PCDHGA3: variants seen among roughly 807,000 people sequenced by gnomAD.
PCDHGA3 encodes the protein protocadherin gamma subfamily A, 3, also known as protocadherin gamma-A3.
In PCDHGA3, 40 loss-of-function variants were observed where a neutral mutation model predicts 58.5. The observed-to-expected ratio is 0.68, with a 90% CI of 0.53 to 0.89. PCDHGA3 has a LOEUF of 0.89. Ranked by LOEUF, PCDHGA3 falls within the 40% of genes least tolerant of loss-of-function variation. PCDHGA3 has a pLI of 0.00. For synonymous variants in PCDHGA3, 530 were observed against 525.7 expected, an observed-to-expected ratio of 1.01 and a Z score of -0.11; for missense variants, 1,223 against 1,195.9, an observed-to-expected ratio of 1.02 and a Z score of -0.33.
chr5:141,357,839 G>A, intron 1 of PCDHGA3: 1 of 640,618 alleles, frequency 1.6e-6, no homozygotes, highest in East Asian at 3.0e-5. Context: ...TCATTCAGTT[G>A]TAGTTTCAGC....
At chr5:141,461,817 C>A (rs2099023873) in intron 1 of PCDHGA3, among the ~76,000 whole-genome samples, 1 of 150,844 alleles carries the variant, frequency 6.6e-6, no homozygotes, top group South Asian at 2.1e-4. Flanking sequence ...CCACACCCAG[C>A]TAATTTTTTT....
chr5:141,345,796 T>C lies in PCDHGA3; in HGVS notation c.1763T>C (p.Val588Ala), dbSNP rs199546235. The change falls in exon 1 of 4, where the codon GTG (valine) becomes GCG (alanine). Residue 588 changes from valine to alanine, a missense_variant. This residue lies in a region of PCDHGA3 where 107 missense variants were observed against 159.8 expected (regional missense o/e 0.67). Transcript: ENST00000253812. ...CGCTCCGCAGAGCCCGGCTACCTGG[T>C]GACCAAGGTGGTGGCGGTGGACAGA... is the stretch of plus-strand genomic sequence containing the variant. ...APRSAEPGYL[V>A]TKVVAVDRDS... is the part of the protein sequence containing the mutation. 323 of 1,613,940 alleles carry C rather than the reference T, an allele frequency of 2.0e-4. No individual in the cohort carries two copies. Among genetic ancestry groups the C allele is most frequent in the South Asian group, 1.0e-3 (91 of 91,060 alleles).
At chr5:141,469,629 C>T (rs933972587) in intron 1 of PCDHGA3, among the ~76,000 whole-genome samples, 1 of 152,070 alleles carries the variant, frequency 6.6e-6, no homozygotes, top group Admixed American at 6.6e-5. Context: ...GTTTGTAGTT[C>T]CAAAATATTT....
intron 1 of PCDHGA3, chr5:141,396,593 C>T (rs940440050): frequency 6.0e-5 from 9 of 151,044 alleles, no homozygotes; most frequent in Non-Finnish European, 1.2e-4. Flanking sequence ...GCACTCCAGC[C>T]TGGGCAACAG....
chr5:141,420,673 A>T (rs1244699899), intron 1 of PCDHGA3, among the ~76,000 whole-genome samples: 5 of 152,208 alleles, frequency 3.3e-5, no homozygotes, highest in Admixed American at 3.3e-4. Flanking sequence ...CTACCTGATG[A>T]TTTTATCGGG....
At chr5:141,365,237 A>G (rs765751985) in intron 1 of PCDHGA3, 2 of 1,613,962 alleles carry the variant, frequency 1.2e-6, no homozygotes, top group East Asian at 4.5e-5. Flanking sequence ...GGAAATCTCA[A>G]CTCTACAATC....
chr5:141,365,466 A>T (rs1456535652), intron 1 of PCDHGA3: 2 of 1,614,016 alleles, frequency 1.2e-6, no homozygotes, highest in Non-Finnish European at 1.7e-6. Context: ...TCTGGAGAAA[A>T]TGGTGAGATT....
chr5:141,390,187 G>T, intron 1 of PCDHGA3: 1 of 1,614,040 alleles, frequency 6.2e-7, no homozygotes, highest in Non-Finnish European at 8.5e-7. Flanking sequence ...CTAAAATGTA[G>T]TGAGCAGTTG....
At chr5:141,417,648 T>A in intron 1 of PCDHGA3, 5 of 818,672 alleles carry the variant, frequency 6.1e-6, no homozygotes, top group Non-Finnish European at 9.1e-6. Flanking sequence ...TCCCTCAGCC[T>A]CTAGCCTGGG....
chr5:141,370,282 G>A, intron 1 of PCDHGA3: 2 of 938,864 alleles, frequency 2.1e-6, no homozygotes, highest in South Asian at 3.9e-5. Context: ...ACACCCATTA[G>A]AGAACCCAAG....
rs764337284 is a variant in PCDHGA3, at chr5:141,490,255, G to A, written c.2425-4552G>A. Reference sequence around the variant, plus strand: ...GGAGGGCCACTGTGTGATTCAAGTGGATGTGGGGGATGTCAATGACAATGC... The same window carrying A: ...GGAGGGCCACTGTGTGATTCAAGTGAATGTGGGGGATGTCAATGACAATGC... On this transcript the variant is annotated intron_variant, in intron 1 of 3. Transcript: ENST00000253812. The surrounding 1 kb of genome is among the most constrained non-coding windows in gnomAD (Gnocchi z 5.4). 6 of 1,614,118 alleles carry A rather than the reference G, an allele frequency of 3.7e-6. No individual in the cohort carries two copies. In the Admixed American group the frequency reaches 6.7e-5, roughly 18 times the overall value.
At chr5:141,494,326 G>C (rs2154591458) in intron 1 of PCDHGA3, among the ~76,000 whole-genome samples, 1 of 152,312 alleles carries the variant, frequency 6.6e-6, no homozygotes, top group Middle Eastern at 3.4e-3. Context: ...GGCACCAAAA[G>C]GGTTACCAAG....
rs755863653 is a variant in PCDHGA3 at position 141,422,228 on chromosome 5, TG to T, written c.2425-72578del. 2.3e-5 allele frequency: 36 copies of T among 1,565,448 alleles called. No individual in the cohort carries two copies. The Middle Eastern group carries it at 8.6e-4, about 37-fold the overall frequency. ...GGAGGTCTCTTTACCACCACGACGA[TG>T]TTGATCACTGTTGTGGATGTGAATG... On this transcript the variant is annotated intron_variant, in intron 1 of 3. Transcript: ENST00000253812.
At chr5:141,507,017 C>CACTT (rs763489200) in intron 3 of PCDHGA3, 1 of 152,206 alleles carries the variant, frequency 6.6e-6, no homozygotes, top group Non-Finnish European at 1.5e-5. Flanking sequence ...ACCGAGAAGG[C>CACTT]ACTTGCCCCA....
At chr5:141,350,152 C>T (rs1758417714) in intron 1 of PCDHGA3, 5 of 974,858 alleles carry the variant, frequency 5.1e-6, no homozygotes, top group Non-Finnish European at 5.7e-6. Flanking sequence ...TGTTCACCCT[C>T]GAGCGCCTAA....
At chr5:141,376,032 GCCAGC>G in intron 1 of PCDHGA3, 1 of 1,613,116 alleles carries the variant, frequency 6.2e-7, no homozygotes, top group South Asian at 1.1e-5. Flanking sequence ...CAGGACCACG[GCCAGC>G]CCCCTCTCTC....
chr5:141,414,106 CTAGA>C, intron 1 of PCDHGA3: 1 of 1,592,656 alleles, frequency 6.3e-7, no homozygotes, highest in Non-Finnish European at 8.6e-7. Flanking sequence ...ATCAGAAAAT[CTAGA>C]TTATGAAGAA....
intron 1 of PCDHGA3, chr5:141,374,617 C>A (rs981307720): frequency 3.7e-6 from 6 of 1,613,400 alleles, no homozygotes; most frequent in African/African-American, 1.3e-5. Flanking sequence ...ATAGTCACTT[C>A]TCAGTGGACG....
intron 1 of PCDHGA3, among the ~76,000 whole-genome samples, chr5:141,482,144 G>C (rs564178008): frequency 1.3e-4 from 20 of 151,858 alleles, no homozygotes; most frequent in Admixed American, 9.8e-4. Flanking sequence ...GGCATAAAAA[G>C]GTCAAGTCAA....
Sources: allele counts gnomAD v4.1 joint callset (sites outside exome capture counted in the v4.1 genomes callset), GRCh38; gene constraint gnomAD v4.1.1; regional missense constraint gnomAD v4.1.1; non-coding constraint Gnocchi (gnomAD v3.1); transcripts MANE v1.5; gene names NCBI Gene and HGNC (gene_info 2026-07-23, HGNC 2026-07-21).